Variants in TLE1 observed in about 807,000 individuals in gnomAD.
TLE1 encodes transducin-like enhancer protein 1.
A neutral mutation model predicts 89.8 loss-of-function variants in TLE1; 21 were observed. The observed-to-expected ratio is 0.23, with a 90% CI of 0.17 to 0.34. TLE1 has a LOEUF of 0.34. Ranked by LOEUF, TLE1 falls within the 10% of genes least tolerant of loss-of-function variation. TLE1 has a pLI of 1.00. For synonymous variants in TLE1, 447 were observed against 407.6 expected (o/e 1.10, Z -1.16); for missense variants, 795 against 1,031.2 (o/e 0.77, Z 3.14).
At chr9:81,675,897 C>T (rs1832848664) in intron 4 of TLE1, among the ~76,000 whole-genome samples, 1 of 152,000 alleles carries the variant, frequency 6.6e-6, no homozygotes, top group Middle Eastern at 3.4e-3. Context: ...GACGGGGTTT[C>T]ACCATGTTGG....
At chr9:81,685,931 T>G in intron 2 of TLE1, 35 bp from the exon 3 acceptor site, 1 of 1,608,068 alleles carries the variant, frequency 6.2e-7, no homozygotes, top group Non-Finnish European at 8.5e-7. Context: ...AATGTAAACA[T>G]TATGTCACTT....
chr9:81,619,014 A>C (rs1824904523), intron 9 of TLE1, among the ~76,000 whole-genome samples: 1 of 152,170 alleles, frequency 6.6e-6, no homozygotes, highest in South Asian at 2.1e-4. Context: ...CAAAACTACC[A>C]CGGCAAGCTT....
intron 14 of TLE1, among the ~76,000 whole-genome samples, chr9:81,607,045 G>T (rs1831769221): frequency 7.4e-6 from 1 of 135,764 alleles, no homozygotes; most frequent in Admixed American, 7.6e-5. Context: ...GCAACCCAGG[G>T]AGACCCAGTG....
chr9:81,643,244 GTTT>G (rs60666250), intron 6 of TLE1, among the ~76,000 whole-genome samples: 13 of 147,682 alleles, frequency 8.8e-5, no homozygotes, highest in East Asian at 2.0e-4. Context: ...TTGTTTTTTG[GTTT>G]TTTTTTTTGA....
chr9:81,591,305 T>C lies in TLE1; in HGVS notation c.1582-253A>G, dbSNP rs561414930. Among the ~76,000 whole-genome samples the C allele has an allele frequency of 5.3e-5, 8 of 152,302 alleles. No homozygotes were observed. In the East Asian group the frequency reaches 1.2e-3, roughly 22 times the overall value. On this transcript the variant is annotated intron_variant, in intron 15 of 19. Transcript: ENST00000376499. ...TCACAGAGCTGAAACTATCTAGGTATGAGGTACAGGTGTACACATAGTTCC... is the reference window on the plus strand; with the variant it reads ...TCACAGAGCTGAAACTATCTAGGTACGAGGTACAGGTGTACACATAGTTCC...
In TLE1 at chr9:81,593,141, C is replaced by A; in HGVS notation, c.1465G>T (p.Ala489Ser). The change falls in exon 15 of 20, where the codon GCT becomes TCT. Residue 489 changes from alanine to serine, a missense_variant. Coordinates refer to ENST00000376499, the MANE Select transcript of TLE1 (RefSeq NM_005077.5). ...CTCGTGGGGTTGCTGATGGTCACAG[C>A]GCACACCACCTCCCCGTGGTTGAGG... ...NTLNHGEVVCAVTISNPTRHV... is the reference protein window; with the variant it reads ...NTLNHGEVVCSVTISNPTRHV... 7 of 1,614,152 alleles carry A rather than the reference C, an allele frequency of 4.3e-6. No individual in the cohort carries two copies. The highest frequency in any genetic ancestry group is 5.1e-6 in the Non-Finnish European group (6 of 1,180,028).
intron 1 of TLE1, 23 bp downstream of exon 1, chr9:81,688,191 CCCA>C (rs1323424404): frequency 6.3e-7 from 1 of 1,599,604 alleles, no homozygotes; most frequent in African/African-American, 1.4e-5. Context: ...ATCCTGGCCC[CCCA>C]CCACCACCCA....
At chr9:81,593,989 A>G (rs1829889237) in intron 14 of TLE1, among the ~76,000 whole-genome samples, 1 of 152,138 alleles carries the variant, frequency 6.6e-6, no homozygotes. Context: ...CTGACCAATG[A>G]GGTGTAAGAA....
rs1454479283 is a variant in TLE1, at chr9:81,688,461, T to C, written c.-221A>G. The C allele has an allele frequency of 4.4e-6, 2 of 453,350 alleles. No homozygotes were observed. Among genetic ancestry groups the C allele is most frequent in the Admixed American group, 9.1e-5 (2 of 21,902 alleles). The allele number at this position is 453,350 out of a possible 1,614,324, so 28.1% of individuals were successfully genotyped here. A position where few individuals can be genotyped will look rare whatever the true frequency, so the allele number is the denominator to read the frequency against. On this transcript the variant is annotated 5_prime_UTR_variant, in exon 1 of 20. Coordinates refer to ENST00000376499, the MANE Select transcript of TLE1 (RefSeq NM_005077.5). ...CGGGCTCCGGCCCTCAGGGCCACAT[T>C]AGTGGGCGCCCCAGGCCCAGCTGCT...
chr9:81,647,106 A>G (rs1236893435), intron 6 of TLE1, among the ~76,000 whole-genome samples: 1 of 152,110 alleles, frequency 6.6e-6, no homozygotes, highest in Non-Finnish European at 1.5e-5. Flanking sequence ...GTTCACAGGC[A>G]TTACTATGGG....
chr9:81,600,865 G>C (rs1004447252), intron 14 of TLE1, among the ~76,000 whole-genome samples: 5 of 152,162 alleles, frequency 3.3e-5, no homozygotes, highest in Non-Finnish European at 7.3e-5. Flanking sequence ...TAGAGGAGGA[G>C]CAAGTGTGCC....
chr9:81,633,302 T>C (rs1564000115), intron 8 of TLE1, 46 bp downstream of exon 8: 3 of 861,114 alleles, frequency 3.5e-6, no homozygotes, highest in East Asian at 2.8e-4. Flanking sequence ...TGTGTGTGTG[T>C]GTGTGTGTGT....
At chr9:81,664,526 C>T (rs1056256661) in intron 4 of TLE1, among the ~76,000 whole-genome samples, 2 of 152,062 alleles carry the variant, frequency 1.3e-5, no homozygotes, top group South Asian at 2.1e-4. Context: ...ATAATTATGC[C>T]GATAAAATAA....
At position 81,688,702 on chromosome 9, in the gene TLE1, T is replaced by G; in HGVS notation, c.-462A>C. ...CTCCTGGTCCGCCTCCTCTTCGGGC[T>G]TTCCCCGAGGCGGCGGCGGGCGAGG... On this transcript the variant is annotated 5_prime_UTR_variant, in exon 1 of 20. Transcript: ENST00000376499. 6.4e-6 allele frequency: 1 copy of G among 156,674 alleles called. No individual in the cohort carries two copies. Among genetic ancestry groups the G allele is most frequent in the Non-Finnish European group, 1.4e-5 (1 of 71,344 alleles). The allele number at this position is 156,674 out of a possible 1,614,324, so 9.7% of individuals were successfully genotyped here.
In TLE1 at chr9:81,584,237, C is replaced by T. The variant is rs549010195; in HGVS notation, c.2274G>A (p.Ser758=). The change falls in exon 20 of 20, where the codon TCG becomes TCA. Residue 758 remains serine, a synonymous_variant. Transcript: ENST00000376499. ...SVDDKYIVTG[S]GDKKATVYEV... is the part of the protein sequence containing the mutation. ...CATAGACTGTAGCCTTCTTGTCCCC[C>T]GAGCCAGTGACTATGTACTTATCAT... is the stretch of plus-strand genomic sequence containing the variant. 4 of 1,613,876 alleles carry T rather than the reference C, an allele frequency of 2.5e-6. No individual in the cohort carries two copies. Among genetic ancestry groups the T allele is most frequent in the Non-Finnish European group, 3.4e-6 (4 of 1,180,026 alleles).
intron 6 of TLE1, among the ~76,000 whole-genome samples, chr9:81,636,469 A>G (rs1041652654): frequency 2.0e-5 from 3 of 151,272 alleles, no homozygotes; most frequent in African/African-American, 4.9e-5. Context: ...GGGGAATGCA[A>G]TGATGCATAC....
At position 81,646,431 on chromosome 9, in the gene TLE1, A is replaced by G. The variant is rs191168115; in HGVS notation, c.372+5783T>C. Among the ~76,000 whole-genome samples, 3 of 152,342 alleles carry G rather than the reference A, an allele frequency of 2.0e-5. No homozygotes were observed. The East Asian group carries it at 5.8e-4, about 29-fold the overall frequency. On this transcript the variant is annotated intron_variant, in intron 6 of 19. Coordinates refer to ENST00000376499, the MANE Select transcript of TLE1 (RefSeq NM_005077.5). Reference sequence around the variant, plus strand: ...ACAAGTTAGTAGAGCTAGAAGATCCATGTTTGTTGTAGCTATTTAGTCTTC... The same window carrying G: ...ACAAGTTAGTAGAGCTAGAAGATCCGTGTTTGTTGTAGCTATTTAGTCTTC...
chr9:81,650,716 G>A (rs1354345160), intron 6 of TLE1, among the ~76,000 whole-genome samples: 1 of 152,096 alleles, frequency 6.6e-6, no homozygotes, highest in Non-Finnish European at 1.5e-5. Flanking sequence ...CTGAAGGAGG[G>A]GGAAGGCAGT....
chr9:81,653,595 T>C (rs763936153), intron 5 of TLE1, among the ~76,000 whole-genome samples: 15 of 152,196 alleles, frequency 9.9e-5, no homozygotes, highest in Non-Finnish European at 1.8e-4. Flanking sequence ...ACTATCTGCC[T>C]CCATAGTAAA....
Sources: allele counts gnomAD v4.1 joint callset (sites outside exome capture counted in the v4.1 genomes callset), GRCh38; gene constraint gnomAD v4.1.1; transcripts MANE v1.5; gene names NCBI Gene and HGNC (gene_info 2026-07-23, HGNC 2026-07-21).